Variants in GPC6 observed in about 807,000 individuals in gnomAD.
The protein encoded by GPC6 is glypican-6.
Under a neutral mutation model 55.2 loss-of-function variants are expected in GPC6, and 14 were observed. That is an observed-to-expected ratio of 0.25 (90% CI 0.17 to 0.40). GPC6 has a LOEUF of 0.40. Ranked by LOEUF, GPC6 falls within the 10% of genes least tolerant of loss-of-function variation. GPC6 has a pLI of 1.00. For synonymous variants in GPC6, 278 were observed against 259.6 expected (o/e 1.07, Z -0.68); for missense variants, 641 against 708.5 (o/e 0.90, Z 1.08).
In GPC6 at chr13:93,227,438, T is replaced by C. The variant is rs368259699; in HGVS notation, c.-19T>C. 59 of 1,612,794 alleles carry C rather than the reference T, an allele frequency of 3.7e-5. No individual in the cohort carries two copies. In the African/African-American group the frequency reaches 7.7e-4, roughly 21 times the overall value. On this transcript the variant is annotated 5_prime_UTR_variant, in exon 1 of 9. Coordinates refer to ENST00000377047, the MANE Select transcript of GPC6 (RefSeq NM_005708.5). The surrounding 1 kb of genome is among the most constrained non-coding windows in gnomAD (Gnocchi z 4.3). ...GCACCGGCCGTGGGGTTTACCGAGC[T>C]GGATTTGTATGTTGCACCATGCCTT...
intron 4 of GPC6, among the ~76,000 whole-genome samples, chr13:94,074,376 GA>G (rs1884838394): frequency 6.6e-6 from 1 of 152,186 alleles, no homozygotes. Flanking sequence ...ACATGACAAT[GA>G]AGGTTTAAAG....
At chr13:93,752,374 T>C (rs1452419649) in intron 2 of GPC6, among the ~76,000 whole-genome samples, 2 of 151,856 alleles carry the variant, frequency 1.3e-5, no homozygotes. Context: ...TGTTTCAAAT[T>C]ATATGTCAGG....
intron 4 of GPC6, among the ~76,000 whole-genome samples, chr13:94,277,570 C>A (rs1420253741): frequency 6.6e-6 from 1 of 152,112 alleles, no homozygotes; most frequent in Non-Finnish European, 1.5e-5. Flanking sequence ...TTGAGTCTTA[C>A]ATTTAAGTCT....
chr13:93,747,926 G>T (rs181062251), intron 2 of GPC6, among the ~76,000 whole-genome samples: 14 of 152,200 alleles, frequency 9.2e-5, no homozygotes, highest in African/African-American at 2.9e-4. Context: ...TCAGGGGAGG[G>T]TCTTATTCAC....
At chr13:94,137,253 C>T (rs901016957) in intron 4 of GPC6, among the ~76,000 whole-genome samples, 3 of 152,112 alleles carry the variant, frequency 2.0e-5, no homozygotes, top group African/African-American at 4.8e-5. Flanking sequence ...TAGAGAAATA[C>T]ATTCAGAAGC....
At chr13:94,028,750 AG>A (rs1428374527) in intron 4 of GPC6, among the ~76,000 whole-genome samples, 3 of 152,174 alleles carry the variant, frequency 2.0e-5, no homozygotes, top group African/African-American at 7.2e-5. Context: ...ATGGAGGGGA[AG>A]GTCTCTGAAT....
chr13:94,402,284 GCT>G (rs781432491), intron 8 of GPC6, among the ~76,000 whole-genome samples: 2 of 152,118 alleles, frequency 1.3e-5, no homozygotes, highest in Non-Finnish European at 2.9e-5. Flanking sequence ...TAGAGCAATG[GCT>G]CTGAGTATAA....
At chr13:94,034,813 C>A (rs1423772851) in intron 4 of GPC6, among the ~76,000 whole-genome samples, 1 of 151,542 alleles carries the variant, frequency 6.6e-6, no homozygotes, top group South Asian at 2.1e-4. Flanking sequence ...AATATTGGCA[C>A]AAAGCAATGG....
intron 2 of GPC6, among the ~76,000 whole-genome samples, chr13:93,790,515 A>C (rs1049946776): frequency 6.6e-6 from 1 of 152,212 alleles, no homozygotes; most frequent in Non-Finnish European, 1.5e-5. Flanking sequence ...AAGCTCTTGC[A>C]TTCAGAACCA....
intron 6 of GPC6, among the ~76,000 whole-genome samples, chr13:94,323,498 C>G (rs1323460889): frequency 1.3e-5 from 2 of 152,110 alleles, no homozygotes; most frequent in Non-Finnish European, 2.9e-5. Flanking sequence ...AATACAAAGT[C>G]AAATGCCACA....
At chr13:93,682,282 A>G (rs1366362723) in intron 2 of GPC6, among the ~76,000 whole-genome samples, 1 of 152,100 alleles carries the variant, frequency 6.6e-6, no homozygotes, top group Non-Finnish European at 1.5e-5. Flanking sequence ...CAAAAGGGGG[A>G]GTTGTACTAT....
At chr13:94,085,679 C>T (rs1375351815) in intron 4 of GPC6, among the ~76,000 whole-genome samples, 1 of 152,106 alleles carries the variant, frequency 6.6e-6, no homozygotes, top group African/African-American at 2.4e-5. Flanking sequence ...TAATCACAGC[C>T]ACTGTATGAG....
intron 4 of GPC6, among the ~76,000 whole-genome samples, chr13:94,076,138 T>G (rs1312537012): frequency 6.6e-6 from 1 of 151,860 alleles, no homozygotes; most frequent in Non-Finnish European, 1.5e-5. Context: ...CTTTGTTTTT[T>G]TTTTTTAAAT....
chr13:94,114,316 T>G (rs9524336), intron 4 of GPC6, among the ~76,000 whole-genome samples: 21,294 of 151,994 alleles, frequency 0.14, 1,778 homozygotes, highest in East Asian at 0.33. Flanking sequence ...TTAAAGAGAT[T>G]GGGAAAGATT....
intron 1 of GPC6, among the ~76,000 whole-genome samples, chr13:93,401,665 T>C (rs1400121727): frequency 6.7e-6 from 1 of 150,070 alleles, no homozygotes; most frequent in Non-Finnish European, 1.5e-5. Context: ...TGAGTGTTAT[T>C]TTTCTGTCTT....
chr13:93,366,772 T>A (rs1183019790), intron 1 of GPC6, among the ~76,000 whole-genome samples: 1 of 152,082 alleles, frequency 6.6e-6, no homozygotes, highest in Non-Finnish European at 1.5e-5. Flanking sequence ...GCTATATTTA[T>A]ACATAAGCCA....
chr13:93,866,414 T>C (rs1257815832), intron 3 of GPC6, among the ~76,000 whole-genome samples: 2 of 151,004 alleles, frequency 1.3e-5, no homozygotes, highest in East Asian at 3.9e-4. Flanking sequence ...TACCCAGTAA[T>C]GGGCGTATGT....
At chr13:93,789,959 G>A (rs1215389860) in intron 2 of GPC6, among the ~76,000 whole-genome samples, 1 of 151,842 alleles carries the variant, frequency 6.6e-6, no homozygotes, top group Non-Finnish European at 1.5e-5. Flanking sequence ...TGCATTTTAA[G>A]GAATTTAAAA....
chr13:93,489,084 T>C (rs142841867), intron 1 of GPC6, among the ~76,000 whole-genome samples: 24,525 of 151,556 alleles, frequency 0.16, 2,433 homozygotes, highest in South Asian at 0.22. Context: ...GGTTTTCTTC[T>C]AGGGTTTTTA....
Sources: allele counts gnomAD v4.1 joint callset (sites outside exome capture counted in the v4.1 genomes callset), GRCh38; gene constraint gnomAD v4.1.1; non-coding constraint Gnocchi (gnomAD v3.1); transcripts MANE v1.5; gene names NCBI Gene and HGNC (gene_info 2026-07-23, HGNC 2026-07-21).